Variants in MITF observed in about 807,000 individuals in gnomAD.
MITF encodes the protein melanocyte inducing transcription factor.
Under a neutral mutation model 60.5 loss-of-function variants are expected in MITF, and 17 were observed. The ratio of observed to expected loss-of-function variants is 0.28; its 90% CI spans 0.19 to 0.42. The LOEUF is 0.42. Among genes scored for constraint, MITF ranks in the 10% least tolerant of loss-of-function variants. The probability of loss-of-function intolerance (pLI) is 1.00; values close to 1 mark genes in which losing one functional copy is unlikely to be tolerated. For synonymous variants in MITF, 260 were observed against 248.5 expected, an observed-to-expected ratio of 1.05 and a Z score of -0.43; for missense variants, 622 against 683.5, an observed-to-expected ratio of 0.91 and a Z score of 1.00.
At chr3:69,766,249 G>T (rs2062290309) in intron 1 of MITF, among the ~76,000 whole-genome samples, 1 of 150,476 alleles carries the variant, frequency 6.6e-6, no homozygotes, top group Non-Finnish European at 1.5e-5. Flanking sequence ...TTTTTGAGAT[G>T]GAGTCTCTTT....
intron 1 of MITF, among the ~76,000 whole-genome samples, chr3:69,856,597 C>T (rs2063922978): frequency 6.6e-6 from 1 of 152,200 alleles, no homozygotes; most frequent in South Asian, 2.1e-4. Context: ...TTGTATCCCA[C>T]ACTTTGGGAA....
At chr3:69,847,143 A>T (rs908999360) in intron 1 of MITF, among the ~76,000 whole-genome samples, 2 of 152,170 alleles carry the variant, frequency 1.3e-5, no homozygotes, top group Non-Finnish European at 2.9e-5. Context: ...GGACAGCGGG[A>T]AGCAGACTAA....
rs116155612 is a variant in MITF, at chr3:69,802,272, C to T, written c.104+62571C>T. Among the ~76,000 whole-genome samples the T allele has an allele frequency of 4.3e-3, 660 of 152,216 alleles. 6 individuals carry two copies. Among genetic ancestry groups the T allele is most frequent in the African/African-American group, 0.015 (612 of 41,530 alleles). Reference sequence around the variant, plus strand: ...AACATTCTGGAATGCATAGGACAGCCTCTGCAACAATGATCCAGCCCCAAA... The same window carrying T: ...AACATTCTGGAATGCATAGGACAGCTTCTGCAACAATGATCCAGCCCCAAA... On this transcript the variant is annotated intron_variant, in intron 1 of 9. Coordinates refer to ENST00000352241, the MANE Select transcript of MITF (RefSeq NM_001354604.2).
At chr3:69,950,561 TG>T (rs1025706057) in intron 6 of MITF, among the ~76,000 whole-genome samples, 3 of 148,348 alleles carry the variant, frequency 2.0e-5, no homozygotes, top group African/African-American at 7.4e-5. Flanking sequence ...CATATATACA[TG>T]GATGTATGCA....
chr3:69,891,879 A>G (rs1170963069), intron 2 of MITF, among the ~76,000 whole-genome samples: 1 of 152,166 alleles, frequency 6.6e-6, no homozygotes, highest in East Asian at 1.9e-4. Flanking sequence ...GGTACATTCT[A>G]TTATGTGCAT....
intron 2 of MITF, among the ~76,000 whole-genome samples, chr3:69,890,099 C>G (rs577835926): frequency 6.6e-6 from 1 of 152,236 alleles, no homozygotes; most frequent in African/African-American, 2.4e-5. Context: ...TTACTGTTTT[C>G]CTACTGCCCG....
intron 1 of MITF, among the ~76,000 whole-genome samples, chr3:69,825,413 A>G (rs1245900504): frequency 6.6e-6 from 1 of 152,184 alleles, no homozygotes; most frequent in Non-Finnish European, 1.5e-5. Flanking sequence ...AAAAAAATTC[A>G]TTGTCTGACA....
chr3:69,766,054 G>A (rs2062286712), intron 1 of MITF, among the ~76,000 whole-genome samples: 1 of 152,100 alleles, frequency 6.6e-6, no homozygotes, highest in Admixed American at 6.5e-5. Context: ...TTTTATGTTT[G>A]TGTAGAAAAT....
At chr3:69,826,718 A>G (rs192911467) in intron 1 of MITF, among the ~76,000 whole-genome samples, 2 of 152,314 alleles carry the variant, frequency 1.3e-5, no homozygotes, top group Admixed American at 6.5e-5. Context: ...AATGGAATAA[A>G]ATGATGGATA....
intron 1 of MITF, among the ~76,000 whole-genome samples, chr3:69,812,103 C>A (rs1047602848): frequency 4.0e-5 from 6 of 150,336 alleles, no homozygotes; most frequent in African/African-American, 1.5e-4. Context: ...TTTTCAGTAA[C>A]CAGTGGGGCA....
chr3:69,762,405 A>C (rs2062225191), intron 1 of MITF, among the ~76,000 whole-genome samples: 1 of 152,346 alleles, frequency 6.6e-6, no homozygotes, highest in African/African-American at 2.4e-5. Context: ...TAAACATCCA[A>C]GTTCCCAGTG....
chr3:69,767,540 G>A (rs1476354786), intron 1 of MITF, among the ~76,000 whole-genome samples: 1 of 152,026 alleles, frequency 6.6e-6, no homozygotes, highest in Non-Finnish European at 1.5e-5. Flanking sequence ...AGCCGAGATT[G>A]CGCCACTGCA....
At chr3:69,905,180 A>G (rs1409397158) in intron 2 of MITF, among the ~76,000 whole-genome samples, 1 of 152,094 alleles carries the variant, frequency 6.6e-6, no homozygotes. Context: ...GTGTCACTAT[A>G]GATGAGTTTG....
Position 69,967,979 on chromosome 3 carries a change from AG to A in MITF, c.*2733del, listed in dbSNP as rs2066732004. ...GCATACAAGCAACCTGGTCATACAT[AG>A]GATGACAAAATTCTTTCTGGTTGTT... On this transcript the variant is annotated 3_prime_UTR_variant, in exon 10 of 10. Coordinates refer to ENST00000352241, the MANE Select transcript of MITF (RefSeq NM_001354604.2). The A allele has an allele frequency of 1.3e-5, 3 of 233,518 alleles. No individual in the cohort carries two copies. The highest frequency in any genetic ancestry group is 2.5e-5 in the Non-Finnish European group (3 of 117,966). The allele number at this position is 233,518 out of a possible 1,614,324, so 14.5% of individuals were successfully genotyped here.
chr3:69,846,816 CAA>C (rs375853591), intron 1 of MITF, among the ~76,000 whole-genome samples: 17,666 of 100,316 alleles, frequency 0.18, 1,106 homozygotes, highest in South Asian at 0.25. Flanking sequence ...GACTCTTTCT[CAA>C]AAAAAAAAAA....
chr3:69,939,213 C>T, intron 4 of MITF, 32 bp downstream of exon 4: 2 of 1,577,530 alleles, frequency 1.3e-6, no homozygotes, highest in Non-Finnish European at 1.7e-6. Flanking sequence ...TGAGGATGAA[C>T]ACTTTGTAAT....
At chr3:69,921,822 G>T (rs2065473796) in intron 2 of MITF, among the ~76,000 whole-genome samples, 1 of 152,126 alleles carries the variant, frequency 6.6e-6, no homozygotes, top group Admixed American at 6.6e-5. Context: ...TCTAGGATAG[G>T]ATTTCTACAC....
chr3:69,763,564 CT>C, intron 1 of MITF: 1 of 1,151,428 alleles, frequency 8.7e-7, no homozygotes, highest in Non-Finnish European at 1.1e-6. Context: ...CTAATTTAGC[CT>C]TCCTAGTGTT....
chr3:69,951,952 C>A, intron 7 of MITF, 66 bp downstream of exon 7: 1 of 1,250,464 alleles, frequency 8.0e-7, no homozygotes, highest in South Asian at 1.3e-5. Flanking sequence ...AAAAATGTTT[C>A]CAGAAATTCT....
Sources: allele counts gnomAD v4.1 joint callset (sites outside exome capture counted in the v4.1 genomes callset), GRCh38; gene constraint gnomAD v4.1.1; transcripts MANE v1.5; gene names NCBI Gene and HGNC (gene_info 2026-07-23, HGNC 2026-07-21).